The following DEF8 variants were observed in gnomAD, a reference collection of about 807,000 sequenced individuals.
The protein encoded by DEF8 is DEF-8.
Under a neutral mutation model 59.1 loss-of-function variants are expected in DEF8, and 38 were observed. The ratio of observed to expected loss-of-function variants is 0.64; its 90% CI spans 0.50 to 0.84. DEF8 has a LOEUF of 0.84. DEF8 is among the 40% of genes least tolerant of loss of function. The probability of loss-of-function intolerance (pLI) is 0.00; values close to 1 mark genes in which losing one functional copy is unlikely to be tolerated. For synonymous variants in DEF8, 265 were observed against 250.1 expected (o/e 1.06, Z -0.56); for missense variants, 557 against 615.2 (o/e 0.91, Z 1.00).
At chr16:89,958,907 T>C in intron 5 of DEF8, 107 bp from the exon 6 acceptor site, 1 of 1,532,988 alleles carries the variant, frequency 6.5e-7, no homozygotes, top group Non-Finnish European at 8.7e-7. Context: ...ACTCACAATC[T>C]CTGCCCTAAA....
In DEF8 at chr16:89,964,562, G is replaced by A. The variant is rs148084343; in HGVS notation, c.1240G>A (p.Ala414Thr). Residue 414 changes from alanine (A) to threonine (T), a missense_variant, in exon 12 of 13, where the codon GCG becomes ACG. Ala to Thr is a moderately conservative substitution (Grantham distance 58). Transcript: ENST00000563594. ...CACGTCTGTGTGCGCCGACTGCTCC[G>A]CGGTCTTCCACAGGTGGGTGTGGCC... The part of the protein sequence containing the change: ...SHTSVCADCS[A>T]VFHRDCYYDN... 36 of 1,571,894 alleles carry A rather than the reference G, an allele frequency of 2.3e-5. No individual in the cohort carries two copies. In the African/African-American group the frequency reaches 3.4e-4, roughly 15 times the overall value.
intron 7 of DEF8, 41 bp downstream of exon 7, chr16:89,961,136 C>T (rs781568519): frequency 3.1e-6 from 5 of 1,590,580 alleles, no homozygotes; most frequent in Admixed American, 1.7e-5. Flanking sequence ...GGGAGCTGTT[C>T]CTGGCGGGGA....
At chr16:89,949,895 G>T (rs2031674790) in intron 2 of DEF8, among the ~76,000 whole-genome samples, 1 of 152,196 alleles carries the variant, frequency 6.6e-6, no homozygotes. Flanking sequence ...GGGGCAGGCT[G>T]GCGTTCTGCT....
At chr16:89,955,378 G>C (rs1415278302) in intron 4 of DEF8, 112 bp downstream of exon 4, 1 of 864,236 alleles carries the variant, frequency 1.2e-6, no homozygotes, top group East Asian at 2.5e-5. Context: ...CCTGTGAGCT[G>C]GGGTACAGTC....
chr16:89,955,105 C>T lies in DEF8; in HGVS notation c.125-64C>T, dbSNP rs896959337. On this transcript the variant is annotated intron_variant, in intron 3 of 12. Coordinates refer to ENST00000563594, the MANE Select transcript of DEF8 (RefSeq NM_001242818.2). ...CCCACTCCTGGCTATCTCAGCTCCT[C>T]CCTAGGGGATGGGAGGCAGGAGGTA... 4.1e-5 allele frequency: 55 copies of T among 1,334,536 alleles called. No homozygotes were observed. The African/African-American group carries it at 5.9e-4, about 14-fold the overall frequency. 82.7% of individuals were successfully genotyped at this position (1,334,536 alleles called of 1,614,324 possible).
In DEF8 at chr16:89,962,116, G is replaced by A; in HGVS notation, c.912G>A (p.Val304=). The stretch of plus-strand genomic sequence containing the variant: ...TGTTCAGCTACGTGGAGGAGCTGGT[G>A]GAGATTCGCGTGAGGCTGGGGCCAT... The part of the protein sequence containing the change: ...PLLFSYVEEL[V]EIRKLRQDIL... Residue 304 remains valine, a synonymous_variant, in exon 9 of 13, where the codon GTG becomes GTA. Coordinates refer to ENST00000563594, the MANE Select transcript of DEF8 (RefSeq NM_001242818.2). 2 of 1,613,696 alleles carry A rather than the reference G, an allele frequency of 1.2e-6. No homozygotes were observed. Among genetic ancestry groups the A allele is most frequent in the Non-Finnish European group, 1.7e-6 (2 of 1,179,756 alleles).
intron 2 of DEF8, among the ~76,000 whole-genome samples, chr16:89,950,923 G>A (rs968160719): frequency 6.6e-6 from 1 of 152,186 alleles, no homozygotes; most frequent in Non-Finnish European, 1.5e-5. Flanking sequence ...TGAGGCTGCA[G>A]TGAGCTGTGA....
Position 89,958,995 on chromosome 16 carries a change from C to T in DEF8, c.373-19C>T. ...AGCCCAGCTCACCTGTGACCCCCTC[C>T]CTGACTCACCCTCTGCAGGACCCCA... On this transcript the variant is annotated intron_variant, in intron 5 of 12. Transcript: ENST00000563594. 35 of 1,607,914 alleles carry T rather than the reference C, an allele frequency of 2.2e-5. No individual in the cohort carries two copies. The highest frequency in any genetic ancestry group is 2.9e-5 in the Non-Finnish European group (34 of 1,179,680).
rs2033646656 is a variant in DEF8 at position 89,958,919 on chromosome 16, G to T, written c.373-95G>T. 15 of 1,548,642 alleles carry T rather than the reference G, an allele frequency of 9.7e-6. No homozygotes were observed. The South Asian group carries it at 1.6e-4, about 16-fold the overall frequency. On this transcript the variant is annotated intron_variant, in intron 5 of 12. Transcript: ENST00000563594. The stretch of plus-strand genomic sequence containing the variant: ...GAAACTCACAATCTCTGCCCTAAAT[G>T]GTGCCTGGAAGAAATAAGTTGAGGG...
At chr16:89,958,202 C>T (rs911788532) in intron 5 of DEF8, 1 of 154,882 alleles carries the variant, frequency 6.5e-6, no homozygotes, top group Non-Finnish European at 1.4e-5. Flanking sequence ...GTGCCCACCC[C>T]TGACCCAATG....
chr16:89,954,431 T>C lies in DEF8; in HGVS notation c.124+55T>C. ...CTGGGCAGGTCTCTGACTGCTTACG[T>C]GGACCCCTCCTTTCTTCCTGCCGCG... is the stretch of plus-strand genomic sequence containing the variant. On this transcript the variant is annotated intron_variant, in intron 3 of 12. Transcript: ENST00000563594. The surrounding 1 kb of genome is among the most constrained non-coding windows in gnomAD (Gnocchi z 4.3). 1 of 1,578,590 alleles carries C rather than the reference T, an allele frequency of 6.3e-7. No individual in the cohort carries two copies. Among genetic ancestry groups the C allele is most frequent in the South Asian group, 1.1e-5 (1 of 87,250 alleles).
At chr16:89,963,985 C>G in intron 10 of DEF8, 185 bp from the exon 11 acceptor site, 2 of 773,984 alleles carry the variant, frequency 2.6e-6, no homozygotes, top group Non-Finnish European at 4.5e-6. Flanking sequence ...GGTCAGGAAA[C>G]GTGGCCCGGG....
In DEF8 at chr16:89,963,457, C is replaced by T; in HGVS notation, c.1002+14C>T. 6.2e-7 allele frequency: 1 copy of T among 1,608,910 alleles called. No homozygotes were observed. The highest frequency in any genetic ancestry group is 8.5e-7 in the Non-Finnish European group (1 of 1,177,124). ...CTGCTGCTGCAGGTCAGACTGCCAG[C>T]AGGACTGGCCCCCGATGGGAAGCGC... On this transcript the variant is annotated intron_variant, in intron 10 of 12. Coordinates refer to ENST00000563594, the MANE Select transcript of DEF8 (RefSeq NM_001242818.2).
chr16:89,954,160 C>T lies in DEF8; in HGVS notation c.-10-83C>T. On this transcript the variant is annotated intron_variant, in intron 2 of 12. Coordinates refer to ENST00000563594, the MANE Select transcript of DEF8 (RefSeq NM_001242818.2). The surrounding 1 kb of genome is among the most constrained non-coding windows in gnomAD (Gnocchi z 4.3). ...TGAAAGAGGCCAGCCTCACCCCAGACACCCCAGTGTGGTTGGGGAAAGGGG... is the reference window on the plus strand; with the variant it reads ...TGAAAGAGGCCAGCCTCACCCCAGATACCCCAGTGTGGTTGGGGAAAGGGG... 2 of 1,483,644 alleles carry T rather than the reference C, an allele frequency of 1.3e-6. No homozygotes were observed. The highest frequency in any genetic ancestry group is 1.2e-5 in the South Asian group (1 of 80,308). The allele number at this position is 1,483,644 out of a possible 1,614,324, so 91.9% of individuals were successfully genotyped here.
intron 2 of DEF8, among the ~76,000 whole-genome samples, chr16:89,953,056 TATTATA>T (rs1324431339): frequency 6.6e-6 from 1 of 152,220 alleles, no homozygotes; most frequent in African/African-American, 2.4e-5. Flanking sequence ...TAGGATTGAT[TATTATA>T]ATTGTGAATT....
intron 9 of DEF8, among the ~76,000 whole-genome samples, 176 bp downstream of exon 9, chr16:89,962,301 G>A (rs966336597): frequency 1.3e-5 from 2 of 152,212 alleles, no homozygotes; most frequent in Admixed American, 6.5e-5. Flanking sequence ...GTGCTGGAGC[G>A]GTGTCCCGTA....
intron 9 of DEF8, 57 bp from the exon 10 acceptor site, chr16:89,963,306 C>A: frequency 6.6e-7 from 1 of 1,517,468 alleles, no homozygotes; most frequent in Non-Finnish European, 9.0e-7. Context: ...GCGGCCCACA[C>A]AGGGGCCGCC....
At position 89,966,178 on chromosome 16, in the gene DEF8, G is replaced by T. The variant is rs1439262637; in HGVS notation, c.*215G>T. ...CACCTGGCTGTCACCTGGGTGTGCT[G>T]CTGTGAGGGGTCCTTGCGTGGCCCC... On this transcript the variant is annotated 3_prime_UTR_variant, in exon 13 of 13. Transcript: ENST00000563594. 2.0e-6 allele frequency: 1 copy of T among 507,832 alleles called. No individual in the cohort carries two copies. The allele number at this position is 507,832 out of a possible 1,614,324, so 31.5% of individuals were successfully genotyped here.
In DEF8 at chr16:89,967,086, C is replaced by T. The variant is rs550989007; in HGVS notation, c.*1123C>T. On this transcript the variant is annotated 3_prime_UTR_variant, in exon 13 of 13. Transcript: ENST00000563594. ...GGGACACTTGGCTTTGGTGTTTGCA[C>T]TTTACAGATCCTGCGGTCCACGAGG... is the stretch of plus-strand genomic sequence containing the variant. 7.7e-6 allele frequency: 3 copies of T among 391,556 alleles called. No homozygotes were observed. The South Asian group carries it at 4.3e-4, about 56-fold the overall frequency. The allele number at this position is 391,556 out of a possible 1,614,324, so 24.3% of individuals were successfully genotyped here. A position where few individuals can be genotyped will look rare whatever the true frequency, so the allele number is the denominator to read the frequency against.
Sources: gnomAD v4.1 joint callset for allele counts (sites outside exome capture counted in the v4.1 genomes callset) on GRCh38, gnomAD v4.1.1 for gene constraint, Gnocchi (gnomAD v3.1) non-coding constraint, MANE v1.5 for transcripts, NCBI Gene and HGNC (gene_info 2026-07-23, HGNC 2026-07-21) for gene names.